Variants in PIK3CD observed in about 807,000 individuals in gnomAD.
PIK3CD encodes phosphatidylinositol-4,5-bisphosphate 3-kinase catalytic subunit delta.
PIK3CD carries 20 observed loss-of-function variants against 122.9 expected under a neutral mutation model. That is an observed-to-expected ratio of 0.16 (90% CI 0.11 to 0.24). The LOEUF (loss-of-function observed/expected upper bound fraction) is 0.24, where lower values mean the gene tolerates loss of function less well. Ranked by LOEUF, PIK3CD falls within the 10% of genes least tolerant of loss-of-function variation. PIK3CD has a pLI of 1.00. For synonymous variants in PIK3CD, 596 were observed against 593.4 expected (o/e 1.00, Z -0.06); for missense variants, 787 against 1,406.3 (o/e 0.56, Z 7.04).
At position 9,702,500 on chromosome 1, in the gene PIK3CD, CTTTTTTTTTTTT is replaced by C. The variant is rs60167511; in HGVS notation, c.-32-7898_-32-7887del. 5.4e-3 allele frequency among the ~76,000 whole-genome samples: 139 copies of C among 25,802 alleles called. 2 individuals are homozygous for C. Among genetic ancestry groups the C allele is most frequent in the Non-Finnish European group, 9.2e-3 (88 of 9,518 alleles). 16.9% of individuals were successfully genotyped at this position (25,802 alleles called of 152,430 possible). On this transcript the variant is annotated intron_variant, in intron 2 of 23. Transcript: ENST00000377346. Reference sequence around the variant, plus strand: ...GTCCACTTCCAAGGAAAGAACTTTCCTTTTTTTTTTTTTTTTTTTTTTTTTTTTTTTTTTTTT... The same window carrying C: ...GTCCACTTCCAAGGAAAGAACTTTCCTTTTTTTTTTTTTTTTTTTTTTTTT...
chr1:9,642,855 C>T, the PIK3CD span, among the ~76,000 whole-genome samples: 1 of 151,754 alleles, frequency 6.6e-6, no homozygotes, highest in Admixed American at 6.6e-5. Flanking sequence ...CATTGGGAGG[C>T]CAAGGAAGGT....
Position 9,724,818 on chromosome 1 carries a change from G to T in PIK3CD, c.2879G>T (p.Cys960Phe). The part of the protein sequence containing the change: ...SEKFERFRGY[C>F]ERAYTILRRH... The stretch of plus-strand genomic sequence containing the variant: ...CCTACCTGCAGGTTCCGGGGCTACT[G>T]TGAAAGGGCCTACACCATCCTGCGG... Residue 960 changes from cysteine to phenylalanine, a missense_variant, in exon 23 of 24, where the codon TGT becomes TTT. Physicochemically the swap from Cys to Phe is radical, Grantham distance 205. Coordinates refer to ENST00000377346, the MANE Select transcript of PIK3CD (RefSeq NM_005026.5). The surrounding 1 kb of genome is among the most constrained non-coding windows in gnomAD (Gnocchi z 7.3). 6.2e-7 allele frequency: 1 copy of T among 1,613,386 alleles called. No homozygotes were observed. The highest frequency in any genetic ancestry group is 8.5e-7 in the Non-Finnish European group (1 of 1,180,042).
In PIK3CD at chr1:9,727,007, C is replaced by T. The variant is rs1411873568; in HGVS notation, c.3096C>T (p.Asn1032=). The T allele has an allele frequency of 6.2e-7, 1 of 1,614,108 alleles. No homozygotes were observed. Among genetic ancestry groups the T allele is most frequent in the East Asian group, 2.2e-5 (1 of 44,874 alleles). The stretch of plus-strand genomic sequence containing the variant: ...GTGAGAGCTGGAAAACCAAAGTGAA[C>T]TGGCTGGCCCACAACGTGTCCAAAG... ...ALRESWKTKV[N]WLAHNVSKDN... The change falls in exon 24 of 24, where the codon AAC becomes AAT. Residue 1032 remains asparagine (N), a synonymous_variant. Coordinates refer to ENST00000377346, the MANE Select transcript of PIK3CD (RefSeq NM_005026.5).
intron 1 of PIK3CD, among the ~76,000 whole-genome samples, chr1:9,681,952 G>A (rs1308727365): frequency 2.0e-5 from 3 of 152,182 alleles, no homozygotes; most frequent in Non-Finnish European, 2.9e-5. Flanking sequence ...GTCTGCCCAG[G>A]ACTTAGCTTT....
chr1:9,680,944 C>T (rs1049231306), intron 1 of PIK3CD: 2 of 152,178 alleles, frequency 1.3e-5, no homozygotes, highest in Admixed American at 6.5e-5. Flanking sequence ...ATGAGGCTGC[C>T]ATTGAGCTTT....
At chr1:9,646,192 C>G in the PIK3CD span, among the ~76,000 whole-genome samples, 1 of 152,132 alleles carries the variant, frequency 6.6e-6, no homozygotes, top group Non-Finnish European at 1.5e-5. Context: ...AAAAAGGACT[C>G]AACTTTCCTG....
chr1:9,703,936 T>C (rs1324107670), intron 2 of PIK3CD, among the ~76,000 whole-genome samples: 1 of 152,194 alleles, frequency 6.6e-6, no homozygotes, highest in Non-Finnish European at 1.5e-5. Flanking sequence ...TAGTAGATAT[T>C]GTCAAACAGT....
chr1:9,642,790 G>A, the PIK3CD span, among the ~76,000 whole-genome samples: 2 of 151,058 alleles, frequency 1.3e-5, no homozygotes, highest in Admixed American at 6.6e-5. Flanking sequence ...TGCTGTTGCT[G>A]CTATTGAAAA....
the PIK3CD span, among the ~76,000 whole-genome samples, chr1:9,635,913 AGCCCAGACAGATGAAACACTT>A: frequency 6.6e-6 from 1 of 152,226 alleles, no homozygotes; most frequent in Non-Finnish European, 1.5e-5. Context: ...TAGGGCCTGG[AGCCCAGACAGATGAAACACTT>A]GCCCATCCAA....
chr1:9,636,754 C>T, the PIK3CD span, among the ~76,000 whole-genome samples: 11 of 152,174 alleles, frequency 7.2e-5, no homozygotes, highest in Admixed American at 3.3e-4. Flanking sequence ...TCCTCCTACC[C>T]GGCTTCAGGG....
At chr1:9,692,599 G>T in intron 2 of PIK3CD, among the ~76,000 whole-genome samples, 1 of 151,972 alleles carries the variant, frequency 6.6e-6, no homozygotes, top group Non-Finnish European at 1.5e-5. Context: ...GCGTAGTGGT[G>T]GGCACCTGTA....
chr1:9,634,209 A>G, the PIK3CD span, among the ~76,000 whole-genome samples: 9 of 141,736 alleles, frequency 6.3e-5, no homozygotes, highest in African/African-American at 2.4e-4. Context: ...ACTGGAGTGC[A>G]GTGACATGAT....
At chr1:9,645,670 G>A in the PIK3CD span, among the ~76,000 whole-genome samples, 3 of 147,082 alleles carry the variant, frequency 2.0e-5, no homozygotes, top group African/African-American at 7.6e-5. Context: ...GCAATGGCAT[G>A]ATCTTGGCTC....
chr1:9,720,499 T>C lies in PIK3CD; in HGVS notation c.1471-112T>C, dbSNP rs1427354321. 6 of 1,527,304 alleles carry C rather than the reference T, an allele frequency of 3.9e-6. No homozygotes were observed. The East Asian group carries it at 1.5e-4, about 38-fold the overall frequency. 94.6% of individuals were successfully genotyped at this position (1,527,304 alleles called of 1,614,324 possible). ...CAGAGCTGCTGTGGATGCGCCTCCATGCAGAGGACAGCGCCCCCTCAAGGA... is the reference window on the plus strand; with the variant it reads ...CAGAGCTGCTGTGGATGCGCCTCCACGCAGAGGACAGCGCCCCCTCAAGGA... On this transcript the variant is annotated intron_variant, in intron 11 of 23. Transcript: ENST00000377346. This position sits in a 1 kb window ranked among gnomAD's most constrained non-coding sequence, Gnocchi z 9.0.
At chr1:9,697,795 C>CT (rs2100578558) in intron 2 of PIK3CD, among the ~76,000 whole-genome samples, 1 of 152,126 alleles carries the variant, frequency 6.6e-6, no homozygotes, top group Admixed American at 6.6e-5. Flanking sequence ...CTTTGGGAGA[C>CT]TGAGGCGGGT....
chr1:9,629,022 G>A, the PIK3CD span, among the ~76,000 whole-genome samples: 1 of 151,904 alleles, frequency 6.6e-6, no homozygotes, highest in Non-Finnish European at 1.5e-5. Flanking sequence ...TGAGGGGCGG[G>A]CCTGGGTGGG....
rs1380276344 is a variant in PIK3CD, at chr1:9,718,735, G to A, written c.1062G>A (p.Leu354=). ...GGCTTTTCCACGGCAACGAGATGCT[G>A]TGCAAGACGGTGTCCAGCTCGGAGG... The part of the protein sequence containing the change: ...QAGLFHGNEM[L]CKTVSSSEVS... Residue 354 remains leucine, a synonymous_variant, in exon 9 of 24, where the codon CTG becomes CTA. Coordinates refer to ENST00000377346, the MANE Select transcript of PIK3CD (RefSeq NM_005026.5). The surrounding 1 kb of genome is among the most constrained non-coding windows in gnomAD (Gnocchi z 7.2). The A allele has an allele frequency of 6.2e-7, 1 of 1,608,450 alleles. No homozygotes were observed. Among genetic ancestry groups the A allele is most frequent in the Middle Eastern group, 1.7e-4 (1 of 6,058 alleles).
At chr1:9,651,323 T>A (rs2100666877), upstream of PIK3CD, among the ~76,000 whole-genome samples, 1 of 152,306 alleles carries the variant, frequency 6.6e-6, no homozygotes, top group Admixed American at 6.5e-5. Context: ...GCCCCAACAC[T>A]GGTCACCTCG....
Position 9,720,397 on chromosome 1 carries a change from A to T in PIK3CD, c.1470+155A>T. 1 of 1,370,760 alleles carries T rather than the reference A, an allele frequency of 7.3e-7. No homozygotes were observed. The highest frequency in any genetic ancestry group is 1.4e-5 in the South Asian group (1 of 69,390). The allele number at this position is 1,370,760 out of a possible 1,614,324, so 84.9% of individuals were successfully genotyped here. ...CCCAGGGGCCATTTTGCCTGCAGGG[A>T]TGCTGCGCAGTCTGATGACATTTTC... On this transcript the variant is annotated intron_variant, in intron 11 of 23. Transcript: ENST00000377346. This position sits in a 1 kb window ranked among gnomAD's most constrained non-coding sequence, Gnocchi z 9.0.
Sources: gnomAD v4.1 joint callset for allele counts (sites outside exome capture counted in the v4.1 genomes callset) on GRCh38, gnomAD v4.1.1 for gene constraint, Gnocchi (gnomAD v3.1) non-coding constraint, MANE v1.5 for transcripts, NCBI Gene and HGNC (gene_info 2026-07-23, HGNC 2026-07-21) for gene names.